VPS53: variants seen among roughly 807,000 people sequenced by gnomAD.
VPS53 encodes the protein VPS53 subunit of GARP complex.
VPS53 carries 70 observed loss-of-function variants against 107.0 expected under a neutral mutation model. That is an observed-to-expected ratio of 0.65 (90% confidence interval 0.54 to 0.80). VPS53 has a LOEUF of 0.80. Ranked by LOEUF, VPS53 falls within the 30% of genes least tolerant of loss-of-function variation. The pLI is 0.00. For missense variants in VPS53, 917 were observed against 1,049.4 expected (o/e 0.87, Z 1.74); for synonymous variants, 409 against 393.3 (o/e 1.04, Z -0.47).
Position 546,329 on chromosome 17 carries a change from T to TCACACACACACA in VPS53, c.1866+5531_1866+5542dup, listed in dbSNP as rs71371545. ...ATCAGGCAATGGTATCTTAGATATC[T>TCACACACACACA]CACACACACACACACACACACACAC... On this transcript the variant is annotated intron_variant, in intron 17 of 21. Transcript: ENST00000437048. Among the ~76,000 whole-genome samples, 595 of 131,960 alleles carry TCACACACACACA rather than the reference T, an allele frequency of 4.5e-3. 4 individuals are homozygous for TCACACACACACA. Among genetic ancestry groups the TCACACACACACA allele is most frequent in the Non-Finnish European group, 5.5e-3 (345 of 62,928 alleles). 86.6% of individuals were successfully genotyped at this position (131,960 alleles called of 152,430 possible).
intron 13 of VPS53, among the ~76,000 whole-genome samples, chr17:563,384 C>A (rs1252098912): frequency 6.9e-6 from 1 of 145,860 alleles, no homozygotes; most frequent in African/African-American, 2.5e-5. Flanking sequence ...CAACCTCCAT[C>A]TTCAGGGTTC....
chr17:546,870 CTTTTTTTTTTTTT>C (rs60940748), intron 17 of VPS53, among the ~76,000 whole-genome samples: 5 of 83,332 alleles, frequency 6.0e-5, no homozygotes, highest in African/African-American at 2.0e-4. Context: ...CCCTTAGATC[CTTTTTTTTTTTTT>C]TTTTTTTTTG....
intron 19 of VPS53, chr17:523,250 T>A (rs1478970740): frequency 6.6e-6 from 1 of 152,474 alleles, no homozygotes; most frequent in African/African-American, 2.4e-5. Flanking sequence ...TCTGGCCTGT[T>A]GAGATGGCTT....
intron 6 of VPS53, among the ~76,000 whole-genome samples, chr17:654,143 C>T (rs1457370035): frequency 6.6e-6 from 1 of 152,052 alleles, no homozygotes; most frequent in Admixed American, 6.5e-5. Flanking sequence ...TTCAGTGACC[C>T]GAGATCGTGC....
intron 4 of VPS53, among the ~76,000 whole-genome samples, chr17:683,983 A>T (rs951228288): frequency 2.0e-5 from 3 of 152,242 alleles, no homozygotes; most frequent in African/African-American, 7.2e-5. Flanking sequence ...AGTGGAATGC[A>T]GAGAGGATGT....
intron 2 of VPS53, among the ~76,000 whole-genome samples, chr17:702,794 A>G (rs185991380): frequency 1.3e-5 from 2 of 152,350 alleles, no homozygotes; most frequent in Non-Finnish European, 2.9e-5. Flanking sequence ...AAAGGCTGCT[A>G]GCATTTAATG....
intron 5 of VPS53, among the ~76,000 whole-genome samples, chr17:658,209 T>G (rs1971280414): frequency 7.1e-6 from 1 of 140,758 alleles, no homozygotes; most frequent in Non-Finnish European, 1.6e-5. Flanking sequence ...CGTGGATAGA[T>G]ACATCCCATT....
chr17:563,242 G>A (rs1913183797), intron 13 of VPS53, among the ~76,000 whole-genome samples: 1 of 150,670 alleles, frequency 6.6e-6, no homozygotes, highest in South Asian at 2.1e-4. Context: ...AGATGCACCA[G>A]GTATTATGTC....
chr17:603,569 C>T (rs1329892583), intron 11 of VPS53, among the ~76,000 whole-genome samples: 1 of 151,430 alleles, frequency 6.6e-6, no homozygotes, highest in Non-Finnish European at 1.5e-5. Flanking sequence ...TGGACAGATA[C>T]AGCCTCGGTG....
chr17:695,713 C>T (rs918057241), intron 4 of VPS53, among the ~76,000 whole-genome samples: 3 of 152,054 alleles, frequency 2.0e-5, no homozygotes, highest in African/African-American at 7.3e-5. Context: ...CCACCATGCC[C>T]AGCTAATTTT....
At chr17:614,143 G>A (rs1969030056) in intron 11 of VPS53, among the ~76,000 whole-genome samples, 1 of 152,218 alleles carries the variant, frequency 6.6e-6, no homozygotes, top group Non-Finnish European at 1.5e-5. Flanking sequence ...GCCTGCTAAG[G>A]AGGGATTTCT....
chr17:559,521 A>G (rs1209228245), intron 15 of VPS53, among the ~76,000 whole-genome samples: 1 of 152,134 alleles, frequency 6.6e-6, no homozygotes, highest in African/African-American at 2.4e-5. Context: ...GCAACTCAAC[A>G]TGACCAGGTC....
intron 15 of VPS53, among the ~76,000 whole-genome samples, chr17:556,675 C>T (rs1261772125): frequency 1.3e-5 from 2 of 152,116 alleles, no homozygotes; most frequent in Non-Finnish European, 1.5e-5. Flanking sequence ...TTTATTCCTT[C>T]AAGAGATCTT....
At chr17:609,969 T>C (rs1329232785) in intron 11 of VPS53, among the ~76,000 whole-genome samples, 1 of 150,752 alleles carries the variant, frequency 6.6e-6, no homozygotes, top group African/African-American at 2.4e-5. Context: ...CTACTAAAAA[T>C]ATAAAAAAAA....
chr17:525,156 T>C (rs1597244281), intron 19 of VPS53, among the ~76,000 whole-genome samples: 4 of 152,168 alleles, frequency 2.6e-5, no homozygotes, highest in Admixed American at 2.0e-4. Flanking sequence ...AAATAGTAAG[T>C]TGGGCAAAAA....
At chr17:684,311 G>C (rs1271454774) in intron 4 of VPS53, among the ~76,000 whole-genome samples, 1 of 151,528 alleles carries the variant, frequency 6.6e-6, no homozygotes, top group Non-Finnish European at 1.5e-5. Context: ...AATCCCAAAA[G>C]CCTACAAAAA....
intron 12 of VPS53, chr17:600,815 T>C (rs1426953993): frequency 1.3e-5 from 2 of 152,256 alleles, no homozygotes; most frequent in Non-Finnish European, 2.9e-5. Context: ...GAGGCAGGAA[T>C]TGTGACGATA....
chr17:713,630 C>A (rs1284365462), intron 1 of VPS53, among the ~76,000 whole-genome samples: 1 of 150,218 alleles, frequency 6.7e-6, no homozygotes, highest in Non-Finnish European at 1.5e-5. Flanking sequence ...CCAACCTGGG[C>A]GAAAGAGCGA....
intron 4 of VPS53, among the ~76,000 whole-genome samples, chr17:664,213 G>A (rs1423225490): frequency 1.3e-5 from 2 of 152,048 alleles, no homozygotes; most frequent in African/African-American, 2.4e-5. Context: ...CGAGTAGCTG[G>A]GACTACAGGC....
Sources: allele counts gnomAD v4.1 joint callset (sites outside exome capture counted in the v4.1 genomes callset), GRCh38; gene constraint gnomAD v4.1.1; transcripts MANE v1.5; gene names NCBI Gene and HGNC (gene_info 2026-07-23, HGNC 2026-07-21).